LRGUK: variants seen among roughly 807,000 people sequenced by gnomAD.
The protein encoded by LRGUK is leucine-rich repeat and guanylate kinase domain-containing protein.
A neutral mutation model predicts 76.0 loss-of-function variants in LRGUK; 65 were observed. That is an observed-to-expected ratio of 0.85 (90% CI 0.70 to 1.05). LRGUK has a LOEUF of 1.05. Among genes scored for constraint, LRGUK ranks in the 50% least tolerant of loss-of-function variants. The pLI, the probability that LRGUK is intolerant of heterozygous loss-of-function variation, is 0.00. For missense variants in LRGUK, 758 were observed against 732.8 expected (o/e 1.03, Z -0.40); for synonymous variants, 268 against 265.6 (o/e 1.01, Z -0.09).
At chr7:134,250,408 C>T (rs1802415158) in intron 18 of LRGUK, among the ~76,000 whole-genome samples, 1 of 151,826 alleles carries the variant, frequency 6.6e-6, no homozygotes, top group Non-Finnish European at 1.5e-5. Flanking sequence ...TTTTTGTTCA[C>T]CCCCCGTATT....
intron 1 of LRGUK, among the ~76,000 whole-genome samples, chr7:134,130,588 G>A (rs566627060): frequency 6.6e-6 from 1 of 152,284 alleles, no homozygotes; most frequent in East Asian, 1.9e-4. Flanking sequence ...CTGAAACAAA[G>A]TTTTAAAAAG....
chr7:134,249,202 G>T, intron 18 of LRGUK, 126 bp downstream of exon 18: 1 of 1,082,140 alleles, frequency 9.2e-7, no homozygotes, highest in East Asian at 2.6e-5. Flanking sequence ...TCCCGCTGTA[G>T]AATTTGAAGG....
chr7:134,186,059 T>A (rs1026890757), intron 11 of LRGUK, among the ~76,000 whole-genome samples: 1 of 152,174 alleles, frequency 6.6e-6, no homozygotes, highest in African/African-American at 2.4e-5. Context: ...AATGCGTAAA[T>A]TTGGAACTTT....
At chr7:134,166,690 C>T (rs1799001412) in intron 7 of LRGUK, among the ~76,000 whole-genome samples, 2 of 152,194 alleles carry the variant, frequency 1.3e-5, no homozygotes, top group South Asian at 2.1e-4. Context: ...CCTTCTAAAT[C>T]ATTCTCTTGA....
intron 5 of LRGUK, among the ~76,000 whole-genome samples, chr7:134,151,904 T>C (rs1798238977): frequency 6.6e-6 from 1 of 152,072 alleles, no homozygotes; most frequent in Non-Finnish European, 1.5e-5. Flanking sequence ...TCATAGAGGA[T>C]GTCTACAAAA....
chr7:134,245,219 A>G (rs1004934374), intron 16 of LRGUK, among the ~76,000 whole-genome samples: 4 of 152,338 alleles, frequency 2.6e-5, no homozygotes, highest in African/African-American at 9.6e-5. Flanking sequence ...ACAAAAATAA[A>G]TAAATAAAAA....
intron 8 of LRGUK, 91 bp downstream of exon 8, chr7:134,174,727 GA>G: frequency 2.6e-6 from 2 of 767,616 alleles, no homozygotes; most frequent in South Asian, 3.1e-5. Flanking sequence ...AAGTACTTTT[GA>G]TAAAAGAATA....
At chr7:134,268,351 A>G (rs1802898492), downstream of LRGUK, among the ~76,000 whole-genome samples, 1 of 152,148 alleles carries the variant, frequency 6.6e-6, no homozygotes, top group Non-Finnish European at 1.5e-5. Flanking sequence ...AACTCTACAT[A>G]TGTAATTTGG....
At chr7:134,274,714 G>GA in the LRGUK span, among the ~76,000 whole-genome samples, 2 of 152,100 alleles carry the variant, frequency 1.3e-5, no homozygotes, top group East Asian at 3.8e-4. Flanking sequence ...TGTTTCAATG[G>GA]AAAAGAGTCC....
intron 6 of LRGUK, among the ~76,000 whole-genome samples, chr7:134,159,393 A>G (rs1798625435): frequency 6.6e-6 from 1 of 151,272 alleles, no homozygotes. Flanking sequence ...CTGATTTTTG[A>G]CATATACAAT....
intron 7 of LRGUK, among the ~76,000 whole-genome samples, chr7:134,168,870 G>A (rs1208690524): frequency 6.6e-6 from 1 of 152,024 alleles, no homozygotes; most frequent in Admixed American, 6.5e-5. Context: ...AGCAGGGTGG[G>A]GACATGCTGT....
chr7:134,262,389 T>A (rs780117125), intron 19 of LRGUK, among the ~76,000 whole-genome samples: 25 of 152,258 alleles, frequency 1.6e-4, no homozygotes, highest in Non-Finnish European at 3.5e-4. Flanking sequence ...TAAATAAAAA[T>A]AAAGTCAAAT....
At chr7:134,234,001 T>C (rs1426718197) in intron 16 of LRGUK, among the ~76,000 whole-genome samples, 1 of 152,222 alleles carries the variant, frequency 6.6e-6, no homozygotes, top group Non-Finnish European at 1.5e-5. Flanking sequence ...GCTCATCAGC[T>C]ATTGTTAATG....
chr7:134,227,146 C>G (rs1801784562), intron 16 of LRGUK, among the ~76,000 whole-genome samples: 2 of 152,208 alleles, frequency 1.3e-5, no homozygotes, highest in South Asian at 4.1e-4. Flanking sequence ...GAACCTGGTA[C>G]CAGAGGCCAC....
Position 134,208,646 on chromosome 7 carries a change from T to C in LRGUK, c.1844-61T>C, listed in dbSNP as rs1020468200. ...TAACAGGGGAAAGATGTTTTTCTTA[T>C]TAATTTCTAAGCAGTTAGTTAACTT... On this transcript the variant is annotated intron_variant, in intron 15 of 15. Transcript: ENST00000645682. The C allele has an allele frequency of 6.8e-5, 27 of 398,066 alleles. No individual in the cohort carries two copies. The East Asian group carries it at 9.6e-4, about 14-fold the overall frequency. 24.7% of individuals were successfully genotyped at this position (398,066 alleles called of 1,614,324 possible). A position where few individuals can be genotyped will look rare whatever the true frequency, so the allele number is the denominator to read the frequency against.
chr7:134,206,576 ATGTG>A (rs200883534), intron 15 of LRGUK, among the ~76,000 whole-genome samples: 2 of 150,462 alleles, frequency 1.3e-5, no homozygotes, highest in African/African-American at 4.9e-5. Context: ...ATATGTGTGT[ATGTG>A]TGTGTGTGTA....
intron 15 of LRGUK, among the ~76,000 whole-genome samples, chr7:134,220,769 C>G (rs2117152246): frequency 6.6e-6 from 1 of 152,008 alleles, no homozygotes; most frequent in South Asian, 2.1e-4. Flanking sequence ...GAGGTTTCAC[C>G]ATGTTGGCCA....
In LRGUK at chr7:134,174,966, A is replaced by G. The variant is rs554401276; in HGVS notation, c.1020+330A>G. ...AAGGTTACAGGAAGGAGGTAATAAG[A>G]TTGCAGAACAATGTTCTCTGACATT... On this transcript the variant is annotated intron_variant, in intron 8 of 15. Coordinates refer to ENST00000645682, the Ensembl canonical transcript of LRGUK. Among the ~76,000 whole-genome samples the G allele has an allele frequency of 2.0e-5, 3 of 152,304 alleles. No individual in the cohort carries two copies. In the South Asian group the frequency reaches 6.2e-4, roughly 32 times the overall value.
chr7:134,187,045 A>G (rs1432914329), intron 11 of LRGUK, among the ~76,000 whole-genome samples: 1 of 152,186 alleles, frequency 6.6e-6, no homozygotes, highest in East Asian at 1.9e-4. Context: ...GTGGCAAATT[A>G]TTCTAAGAAT....
Sources: gnomAD v4.1 joint callset for allele counts (sites outside exome capture counted in the v4.1 genomes callset) on GRCh38, gnomAD v4.1.1 for gene constraint, MANE v1.5 for transcripts, NCBI Gene and HGNC (gene_info 2026-07-23, HGNC 2026-07-21) for gene names.